C4orf17: variants seen among roughly 807,000 people sequenced by gnomAD.
The protein encoded by C4orf17 is chromosome 4 open reading frame 17.
C4orf17 carries 25 observed loss-of-function variants against 32.0 expected under a neutral mutation model. That is an observed-to-expected ratio of 0.78 (90% CI 0.57 to 1.09). C4orf17 has a LOEUF of 1.09. Among genes scored for constraint, C4orf17 ranks in the 50% least tolerant of loss-of-function variants. C4orf17 has a pLI of 0.00. For synonymous variants in C4orf17, 149 were observed against 145.8 expected (o/e 1.02, Z -0.16); for missense variants, 420 against 420.0 (o/e 1.00, Z 0.00).
intron 6 of C4orf17, 122 bp downstream of exon 6, chr4:99,537,872 G>A (rs901701306): frequency 9.5e-6 from 7 of 734,792 alleles, no homozygotes; most frequent in African/African-American, 1.7e-5. Flanking sequence ...TATTATTTCC[G>A]CAATGTTTCA....
Position 99,518,730 on chromosome 4 carries a change from C to A in C4orf17, c.128-3770C>A, listed in dbSNP as rs2718688. 2.0e-5 allele frequency among the ~76,000 whole-genome samples: 3 copies of A among 149,388 alleles called. No individual in the cohort carries two copies. In the East Asian group the frequency reaches 5.9e-4, roughly 30 times the overall value. On this transcript the variant is annotated intron_variant, in intron 2 of 8. Transcript: ENST00000326581. ...CCTCATCTCCTATCAACTCCCTCCC[C>A]CATTATGCATATGCCACAGTGGACT...
chr4:99,530,917 T>G (rs1026259871), intron 5 of C4orf17, among the ~76,000 whole-genome samples: 1 of 152,128 alleles, frequency 6.6e-6, no homozygotes, highest in Non-Finnish European at 1.5e-5. Flanking sequence ...CTGTTTCACC[T>G]GCTACACTCT....
intron 2 of C4orf17, among the ~76,000 whole-genome samples, chr4:99,521,888 G>C (rs1412221691): frequency 6.6e-6 from 1 of 152,220 alleles, no homozygotes; most frequent in Non-Finnish European, 1.5e-5. Flanking sequence ...TGAGCCAAAA[G>C]TGAATAGTTA....
At chr4:99,541,434 T>A (rs1251458044) in intron 8 of C4orf17, 3 of 156,766 alleles carry the variant, frequency 1.9e-5, no homozygotes, top group African/African-American at 7.2e-5. Flanking sequence ...ATCATTTAGA[T>A]ATTTGGAATT....
At position 99,539,369 on chromosome 4, in the gene C4orf17, A is replaced by G; in HGVS notation, c.835A>G (p.Arg279Gly). 1 of 1,613,188 alleles carries G rather than the reference A, an allele frequency of 6.2e-7. No homozygotes were observed. The highest frequency in any genetic ancestry group is 8.5e-7 in the Non-Finnish European group (1 of 1,179,138). Residue 279 changes from arginine to glycine, a missense_variant and splice_region_variant, in exon 7 of 9, where the codon AGA becomes GGA. Arg to Gly is a moderately radical substitution (Grantham distance 125, BLOSUM62 -2). Transcript: ENST00000326581. ...AGATACAGAAGGGGATCAACCAACC[A>G]GGTAATTAGATATAATGGCCCCCTA... ...TRDTEGDQPT[R>G]VSSQGSEENK... is the part of the protein sequence containing the mutation.
Position 99,522,552 on chromosome 4 carries a change from A to C in C4orf17, c.180A>C (p.Gly60=). Residue 60 remains glycine (G), a synonymous_variant, in exon 3 of 9, where the codon GGA becomes GGC. Coordinates refer to ENST00000326581, the MANE Select transcript of C4orf17 (RefSeq NM_032149.3). ...CTVNDDENAF[G]TLWGVGQSNY... Reference sequence around the variant, plus strand: ...TGAATGATGATGAGAATGCATTTGGAACATTGTGGGGAGTTGGCCAGTCTA... The same window carrying C: ...TGAATGATGATGAGAATGCATTTGGCACATTGTGGGGAGTTGGCCAGTCTA... 6.2e-7 allele frequency: 1 copy of C among 1,613,960 alleles called. No homozygotes were observed. The highest frequency in any genetic ancestry group is 8.5e-7 in the Non-Finnish European group (1 of 1,179,932).
At chr4:99,522,776 A>G in intron 3 of C4orf17, 67 bp downstream of exon 3, 1 of 1,233,234 alleles carries the variant, frequency 8.1e-7, no homozygotes, top group African/African-American at 1.5e-5. Flanking sequence ...TGGGGAGTCT[A>G]TATGATGCTA....
chr4:99,535,161 C>G (rs1031601324), intron 5 of C4orf17, among the ~76,000 whole-genome samples: 2 of 152,030 alleles, frequency 1.3e-5, no homozygotes, highest in African/African-American at 4.8e-5. Flanking sequence ...CTCTGGCTGC[C>G]CTTAATGTTT....
intron 5 of C4orf17, among the ~76,000 whole-genome samples, chr4:99,532,524 A>G (rs1723492665): frequency 6.6e-6 from 1 of 152,184 alleles, no homozygotes; most frequent in African/African-American, 2.4e-5. Context: ...AAAGATGAGA[A>G]CAATAGGCAC....
chr4:99,532,304 T>C (rs13152833), intron 5 of C4orf17, among the ~76,000 whole-genome samples: 13,182 of 152,178 alleles, frequency 0.087, 1,042 homozygotes, highest in African/African-American at 0.2. Flanking sequence ...TCAACCTCAG[T>C]GCCCATCAGT....
chr4:99,511,300 A>G (rs1017931353), intron 1 of C4orf17, 28 bp downstream of exon 1: 2 of 152,152 alleles, frequency 1.3e-5, no homozygotes, highest in Non-Finnish European at 2.9e-5. Flanking sequence ...TCATTACAAT[A>G]ATGTTCTAAA....
At chr4:99,527,599 C>A (rs1264687905) in intron 4 of C4orf17, among the ~76,000 whole-genome samples, 1 of 152,202 alleles carries the variant, frequency 6.6e-6, no homozygotes, top group Non-Finnish European at 1.5e-5. Context: ...ATGTGCAGTT[C>A]ACAATAGGGT....
chr4:99,516,876 G>A (rs1186568847), intron 2 of C4orf17, among the ~76,000 whole-genome samples: 1 of 152,174 alleles, frequency 6.6e-6, no homozygotes. Flanking sequence ...CTACCGAAGC[G>A]TGGCCTTTTC....
At chr4:99,517,284 G>T (rs530013592) in intron 2 of C4orf17, among the ~76,000 whole-genome samples, 1 of 152,284 alleles carries the variant, frequency 6.6e-6, no homozygotes, top group Admixed American at 6.5e-5. Context: ...GCACAGATTA[G>T]TAGGCCATGG....
intron 2 of C4orf17, chr4:99,519,099 G>A (rs1723243642): frequency 1.3e-5 from 2 of 152,246 alleles, no homozygotes; most frequent in South Asian, 2.1e-4. Flanking sequence ...AGGGGAAGTG[G>A]AACTGCGGAT....
Position 99,533,905 on chromosome 4 carries a change from A to G in C4orf17, c.547-3764A>G, listed in dbSNP as rs190375356. 2.1e-3 allele frequency among the ~76,000 whole-genome samples: 325 copies of G among 152,326 alleles called. 1 individual carries two copies. Among genetic ancestry groups the G allele is most frequent in the Non-Finnish European group, 3.3e-3 (227 of 68,030 alleles). On this transcript the variant is annotated intron_variant, in intron 5 of 8. Coordinates refer to ENST00000326581, the MANE Select transcript of C4orf17 (RefSeq NM_032149.3). ...ACTCTAGGCTAGATTCTCAAATCCT[A>G]AAATAAAATTTCAAGACATCAAGTT...
At chr4:99,524,433 A>AT (rs912898856) in intron 3 of C4orf17, 88 bp from the exon 4 acceptor site, 1 of 596,150 alleles carries the variant, frequency 1.7e-6, no homozygotes, top group Admixed American at 3.4e-5. Flanking sequence ...GAAACACTCT[A>AT]TCTATTTCAG....
chr4:99,529,692 T>G (rs1723445449), intron 4 of C4orf17, 123 bp from the exon 5 acceptor site: 2 of 697,682 alleles, frequency 2.9e-6, no homozygotes, highest in South Asian at 7.0e-5. Context: ...AAAACTAACC[T>G]TTTTTTACTT....
chr4:99,512,812 T>C (rs139721810), intron 1 of C4orf17, among the ~76,000 whole-genome samples, 177 bp from the exon 2 acceptor site: 1 of 152,184 alleles, frequency 6.6e-6, no homozygotes, highest in South Asian at 2.1e-4. Flanking sequence ...ATGTTTTAGA[T>C]CCACCCATGC....
Sources: gnomAD v4.1 joint callset for allele counts (sites outside exome capture counted in the v4.1 genomes callset) on GRCh38, gnomAD v4.1.1 for gene constraint, MANE v1.5 for transcripts, NCBI Gene and HGNC (gene_info 2026-07-23, HGNC 2026-07-21) for gene names.